The following VLDLR variants were observed in gnomAD, a reference collection of about 807,000 sequenced individuals.
VLDLR encodes very low density lipoprotein receptor.
Under a neutral mutation model 112.7 loss-of-function variants are expected in VLDLR, and 81 were observed. The observed-to-expected ratio is 0.72, with a 90% CI of 0.60 to 0.86. The LOEUF is 0.86. VLDLR is among the 40% of genes least tolerant of loss of function. The pLI is 0.00. For synonymous variants in VLDLR, 436 were observed against 384.8 expected (o/e 1.13, Z -1.56); for missense variants, 1,237 against 1,099.4 (o/e 1.13, Z -1.77).
At chr9:2,640,005 T>C in intron 3 of VLDLR, 24 bp downstream of exon 3, 1 of 1,614,206 alleles carries the variant, frequency 6.2e-7, no homozygotes, top group Non-Finnish European at 8.5e-7. Flanking sequence ...GCTTTGGCCT[T>C]GAACTTTGCC....
At chr9:2,633,051 A>AGAGTGTGTGTGTGT (rs1460780869) in intron 1 of VLDLR, among the ~76,000 whole-genome samples, 1 of 115,402 alleles carries the variant, frequency 8.7e-6, no homozygotes, top group Non-Finnish European at 1.8e-5. Context: ...AGAGAGAGAG[A>AGAGTGTGTGTGTGT]GTGTGTGTGT....
intron 1 of VLDLR, among the ~76,000 whole-genome samples, chr9:2,629,363 A>T (rs187238642): frequency 4.7e-4 from 72 of 152,356 alleles, no homozygotes; most frequent in Middle Eastern, 6.8e-3. Flanking sequence ...AAACATTTTT[A>T]AAAACTTAGA....
chr9:2,653,857 G>A lies in VLDLR; in HGVS notation c.2611G>A (p.Asp871Asn). 1.2e-6 allele frequency: 2 copies of A among 1,613,858 alleles called. No homozygotes were observed. The highest frequency in any genetic ancestry group is 8.5e-7 in the Non-Finnish European group (1 of 1,179,834). ...GATATCAGTTGTAAGCACAGATGAT[G>A]ATCTAGCTTGACTTCTGTGACAAAT... ...PAISVVSTDD[D>N]LA Residue 871 changes from aspartate to asparagine, a missense_variant, in exon 19 of 19, where the codon GAT (aspartate) becomes AAT (asparagine). Coordinates refer to ENST00000382100, the MANE Select transcript of VLDLR (RefSeq NM_003383.5).
chr9:2,636,702 C>A (rs1388678583), intron 2 of VLDLR, among the ~76,000 whole-genome samples: 1 of 152,202 alleles, frequency 6.6e-6, no homozygotes, highest in Non-Finnish European at 1.5e-5. Context: ...TGCATTTTAA[C>A]ACTAAGATTT....
intron 6 of VLDLR, 43 bp downstream of exon 6, chr9:2,643,793 C>G (rs1302635369): frequency 6.2e-7 from 1 of 1,614,056 alleles, no homozygotes; most frequent in African/African-American, 1.3e-5. Flanking sequence ...ATTGCTCTGA[C>G]CAGACCCACT....
chr9:2,647,010 C>T (rs1005761217), intron 11 of VLDLR, among the ~76,000 whole-genome samples: 1 of 152,132 alleles, frequency 6.6e-6, no homozygotes, highest in Non-Finnish European at 1.5e-5. Flanking sequence ...ATAAACAGAC[C>T]TTTCTAGAAA....
At position 2,623,443 on chromosome 9, in the gene VLDLR, G is replaced by A. The variant is rs915312586; in HGVS notation, c.82+1172G>A. Among the ~76,000 whole-genome samples the A allele has an allele frequency of 2.8e-5, 4 of 143,842 alleles. No homozygotes were observed. The East Asian group carries it at 8.1e-4, about 29-fold the overall frequency. 94.4% of individuals were successfully genotyped at this position (143,842 alleles called of 152,430 possible). A position where few individuals can be genotyped will look rare whatever the true frequency, so the allele number is the denominator to read the frequency against. ...CTTAACACCCGTTCCAGAGTCCCTG[G>A]CTCCCGTCGCCGGGTGGCTTCAGGG... is the stretch of plus-strand genomic sequence containing the variant. On this transcript the variant is annotated intron_variant, in intron 1 of 18. Coordinates refer to ENST00000382100, the MANE Select transcript of VLDLR (RefSeq NM_003383.5).
At position 2,622,006 on chromosome 9, in the gene VLDLR, A is replaced by C. The variant is rs1329009643; in HGVS notation, c.-184A>C. On this transcript the variant is annotated 5_prime_UTR_variant, in exon 1 of 19. Transcript: ENST00000382100. ...TGGGTGGGTGGGGAGGAGACTGTGC[A>C]AGTTGTAGGGGAGGGGGTGCCCTCT... 3.1e-6 allele frequency: 2 copies of C among 644,232 alleles called. No individual in the cohort carries two copies. Among genetic ancestry groups the C allele is most frequent in the Non-Finnish European group, 5.4e-6 (2 of 370,414 alleles). 39.9% of individuals were successfully genotyped at this position (644,232 alleles called of 1,614,324 possible).
At chr9:2,643,135 A>T in intron 4 of VLDLR, 25 bp from the exon 5 acceptor site, 1 of 1,605,064 alleles carries the variant, frequency 6.2e-7, no homozygotes. Flanking sequence ...ATGCATTTTC[A>T]GTGGGGCATC....
rs944411830 is a variant in VLDLR at position 2,643,010 on chromosome 9, A to G, written c.449-150A>G. The G allele has an allele frequency of 7.6e-6, 9 of 1,184,452 alleles. No individual in the cohort carries two copies. In the South Asian group the frequency reaches 8.3e-5, roughly 11 times the overall value. The allele number at this position is 1,184,452 out of a possible 1,614,324, so 73.4% of individuals were successfully genotyped here. A position where few individuals can be genotyped will look rare whatever the true frequency, so the allele number is the denominator to read the frequency against. ...ATTTTTTGTACAATGAGACTGTACA[A>G]AAGTTCTTGATTTAACTCCATTGTA... On this transcript the variant is annotated intron_variant, in intron 4 of 18. Transcript: ENST00000382100.
chr9:2,624,591 A>G (rs1305998124), intron 1 of VLDLR, among the ~76,000 whole-genome samples: 1 of 152,216 alleles, frequency 6.6e-6, no homozygotes, highest in Admixed American at 6.5e-5. Flanking sequence ...AAAAGAACCA[A>G]GGTTTTTTGA....
intron 1 of VLDLR, among the ~76,000 whole-genome samples, chr9:2,627,993 T>A (rs1297392122): frequency 1.3e-5 from 2 of 152,076 alleles, no homozygotes; most frequent in Non-Finnish European, 2.9e-5. Context: ...TCACACTTGG[T>A]TTCAAGTTCT....
Position 2,650,614 on chromosome 9 carries a change from T to A in VLDLR, c.2251+98T>A, listed in dbSNP as rs34435203. 1.7e-3 allele frequency: 2,546 copies of A among 1,494,994 alleles called. 29 individuals are homozygous for A. The African/African-American group carries it at 0.031, about 18-fold the overall frequency. The allele number at this position is 1,494,994 out of a possible 1,614,324, so 92.6% of individuals were successfully genotyped here. A position where few individuals can be genotyped will look rare whatever the true frequency, so the allele number is the denominator to read the frequency against. ...TTAAGAATTCTGTCTTAGCTAATTCTTTGAATAGATTTGAGAAGATATCTG... is the reference window on the plus strand; with the variant it reads ...TTAAGAATTCTGTCTTAGCTAATTCATTGAATAGATTTGAGAAGATATCTG... On this transcript the variant is annotated intron_variant, in intron 15 of 18. Transcript: ENST00000382100.
In VLDLR at chr9:2,643,913, G is replaced by C; in HGVS notation, c.1020G>C (p.Gln340His). The C allele has an allele frequency of 6.2e-7, 1 of 1,614,126 alleles. No individual in the cohort carries two copies. Among genetic ancestry groups the C allele is most frequent in the Middle Eastern group, 1.6e-4 (1 of 6,062 alleles). The change falls in exon 7 of 19, where the codon CAG becomes CAC. Residue 340 changes from glutamine (Q) to histidine (H), a missense_variant. Physicochemically the swap from Gln to His is conservative, Grantham distance 24. Coordinates refer to ENST00000382100, the MANE Select transcript of VLDLR (RefSeq NM_003383.5). ...TAGATATCAGCAAAGTATGTAACCA[G>C]GAGCAGGACTGCAGGGACTGGAGTG... ...ECIDISKVCN[Q>H]EQDCRDWSDE... is the part of the protein sequence containing the mutation.
At chr9:2,643,002 A>G (rs1817890987) in intron 4 of VLDLR, among the ~76,000 whole-genome samples, 158 bp from the exon 5 acceptor site, 1 of 152,134 alleles carries the variant, frequency 6.6e-6, no homozygotes, top group Non-Finnish European at 1.5e-5. Context: ...GTACAATGAG[A>G]CTGTACAAAA....
At chr9:2,636,695 A>G (rs1304055413) in intron 2 of VLDLR, among the ~76,000 whole-genome samples, 1 of 152,204 alleles carries the variant, frequency 6.6e-6, no homozygotes, top group African/African-American at 2.4e-5. Flanking sequence ...CATCATTTGC[A>G]TTTTAACACT....
In VLDLR at chr9:2,650,481, G is replaced by C. The variant is rs775997048; in HGVS notation, c.2216G>C (p.Gly739Ala). The C allele has an allele frequency of 6.2e-7, 1 of 1,613,794 alleles. No homozygotes were observed. Among genetic ancestry groups the C allele is most frequent in the Non-Finnish European group, 8.5e-7 (1 of 1,180,004 alleles). ...AAATATACCTGTTCCTGTCCCAGTG[G>C]GTACAATGTAGAGGAAAATGGCCGA... ...SPKYTCSCPSGYNVEENGRDC... is the reference protein window; with the variant it reads ...SPKYTCSCPSAYNVEENGRDC... Residue 739 changes from glycine to alanine, a missense_variant, in exon 15 of 19, where the codon GGG (glycine) becomes GCG (alanine). Gly to Ala is a moderately conservative substitution (Grantham distance 60). Coordinates refer to ENST00000382100, the MANE Select transcript of VLDLR (RefSeq NM_003383.5).
Position 2,656,085 on chromosome 9 carries a change from G to GTAT in VLDLR, c.*2222_*2224dup, listed in dbSNP as rs1563772483. On this transcript the variant is annotated 3_prime_UTR_variant, in exon 19 of 19. Transcript: ENST00000382100. ...CCCAAAGTTTGTTTTGGCAAATAAA[G>GTAT]TATTATTCTCTATCATCATCTTTTG... The GTAT allele has an allele frequency of 8.7e-5, 13 of 149,752 alleles. No homozygotes were observed. Among genetic ancestry groups the GTAT allele is most frequent in the African/African-American group, 3.3e-4 (13 of 39,628 alleles). 9.3% of individuals were successfully genotyped at this position (149,752 alleles called of 1,614,324 possible). A position where few individuals can be genotyped will look rare whatever the true frequency, so the allele number is the denominator to read the frequency against.
intron 1 of VLDLR, among the ~76,000 whole-genome samples, chr9:2,634,134 C>A (rs1387720213): frequency 6.6e-6 from 1 of 151,916 alleles, no homozygotes; most frequent in Non-Finnish European, 1.5e-5. Context: ...GTAACCACAC[C>A]CATATGGTCA....
Sources: allele counts gnomAD v4.1 joint callset (sites outside exome capture counted in the v4.1 genomes callset), GRCh38; gene constraint gnomAD v4.1.1; transcripts MANE v1.5; gene names NCBI Gene and HGNC (gene_info 2026-07-23, HGNC 2026-07-21).